BNC2: variants seen among roughly 807,000 people sequenced by gnomAD.
BNC2 encodes the protein zinc finger protein basonuclin-2.
In BNC2, 20 loss-of-function variants were observed where a neutral mutation model predicts 76.3. That is an observed-to-expected ratio of 0.26 (90% CI 0.18 to 0.38). The LOEUF is 0.38. Among genes scored for constraint, BNC2 ranks in the 10% least tolerant of loss-of-function variants. The pLI, the probability that BNC2 is intolerant of heterozygous loss-of-function variation, is 1.00. For missense variants in BNC2, 1,382 were observed against 1,399.8 expected, an observed-to-expected ratio of 0.99 and a Z score of 0.20; for synonymous variants, 582 against 514.8, an observed-to-expected ratio of 1.13 and a Z score of -1.77.
intron 5 of BNC2, among the ~76,000 whole-genome samples, chr9:16,525,633 A>G (rs1817775738): frequency 6.6e-6 from 1 of 152,228 alleles, no homozygotes; most frequent in Admixed American, 6.5e-5. Flanking sequence ...GAATAGGCAC[A>G]CAAATTACGA....
chr9:16,726,002 G>GCA (rs3083820), intron 3 of BNC2, among the ~76,000 whole-genome samples: 4 of 151,140 alleles, frequency 2.6e-5, no homozygotes, highest in South Asian at 2.1e-4. Flanking sequence ...ACACACACAC[G>GCA]CACACACACA....
chr9:16,811,882 G>A (rs1466765014), intron 1 of BNC2, among the ~76,000 whole-genome samples: 1 of 152,180 alleles, frequency 6.6e-6, no homozygotes, highest in African/African-American at 2.4e-5. Context: ...ATGATGCAGC[G>A]GAGGTCTCAA....
intron 3 of BNC2, among the ~76,000 whole-genome samples, chr9:16,714,237 G>A (rs1246209482): frequency 6.6e-6 from 1 of 152,218 alleles, no homozygotes. Context: ...CCTAGCATAT[G>A]TAACAATAAA....
At chr9:16,710,676 C>T (rs997179196) in intron 3 of BNC2, among the ~76,000 whole-genome samples, 6 of 152,022 alleles carry the variant, frequency 3.9e-5, no homozygotes, top group Non-Finnish European at 5.9e-5. Context: ...CCTGTCTGTC[C>T]CATCCAAGCC....
chr9:16,688,609 T>C (rs1823049737), intron 3 of BNC2, among the ~76,000 whole-genome samples: 1 of 152,254 alleles, frequency 6.6e-6, no homozygotes, highest in African/African-American at 2.4e-5. Context: ...ATGTTCACAG[T>C]GATTAAGATT....
intron 4 of BNC2, chr9:16,579,988 T>G: frequency 5.0e-6 from 2 of 397,652 alleles, no homozygotes; most frequent in Non-Finnish European, 4.4e-6. Context: ...TTGGTAGTTT[T>G]GTTGCTGTTC....
In BNC2 at chr9:16,788,349, C is replaced by T. The variant is rs191290626; in HGVS notation, c.4-49864G>A. On this transcript the variant is annotated intron_variant, in intron 1 of 6. Coordinates refer to ENST00000380672, the MANE Select transcript of BNC2 (RefSeq NM_017637.6). ...TGGGCAGATCATGAAGTCAGGAGAT[C>T]GAGACCATCCTGGCTAACATGGTGA... 2.7e-3 allele frequency among the ~76,000 whole-genome samples: 411 copies of T among 151,598 alleles called. 3 individuals carry two copies. Among genetic ancestry groups the T allele is most frequent in the African/African-American group, 8.6e-3 (354 of 41,402 alleles).
intron 3 of BNC2, among the ~76,000 whole-genome samples, chr9:16,659,066 A>G (rs1218363002): frequency 6.6e-6 from 1 of 152,132 alleles, no homozygotes; most frequent in Admixed American, 6.5e-5. Context: ...GGCTAACTTA[A>G]GAGAGGTACT....
intron 5 of BNC2, among the ~76,000 whole-genome samples, chr9:16,450,800 C>T (rs930729124): frequency 1.3e-5 from 2 of 152,182 alleles, no homozygotes; most frequent in Non-Finnish European, 2.9e-5. Flanking sequence ...AAGCACAACC[C>T]CTCGGGTTCT....
At chr9:16,659,380 TGG>T (rs1822034162) in intron 3 of BNC2, among the ~76,000 whole-genome samples, 1 of 151,772 alleles carries the variant, frequency 6.6e-6, no homozygotes, top group Non-Finnish European at 1.5e-5. Flanking sequence ...GGGGCCGAGG[TGG>T]GCAGATCAGG....
chr9:16,699,415 T>C (rs1245154364), intron 3 of BNC2, among the ~76,000 whole-genome samples: 1 of 152,244 alleles, frequency 6.6e-6, no homozygotes. Context: ...TGCTGCTCAG[T>C]GACTGATTCT....
chr9:16,543,115 G>C (rs566704990), intron 5 of BNC2, among the ~76,000 whole-genome samples: 3 of 152,134 alleles, frequency 2.0e-5, no homozygotes, highest in Non-Finnish European at 4.4e-5. Context: ...GACTCATAAA[G>C]CTCCCGTTGC....
chr9:16,866,844 G>A (rs1299676918), intron 1 of BNC2, among the ~76,000 whole-genome samples: 1 of 151,888 alleles, frequency 6.6e-6, no homozygotes, highest in East Asian at 1.9e-4. Flanking sequence ...ACTAACCAAT[G>A]ATACTATATA....
At chr9:16,651,934 G>A (rs926796388) in intron 3 of BNC2, among the ~76,000 whole-genome samples, 3 of 152,124 alleles carry the variant, frequency 2.0e-5, no homozygotes, top group Non-Finnish European at 4.4e-5. Flanking sequence ...CCAATCCTGA[G>A]TGTTCAGATC....
rs79674999 is a variant in BNC2, at chr9:16,816,194, T to C, written c.3+54452A>G. On this transcript the variant is annotated intron_variant, in intron 1 of 6. Transcript: ENST00000380672. ...TAATCACTAGCTTGAGACATTGTTC[T>C]GGCCAAGTAAAGCAGAACACATTTA... is the stretch of plus-strand genomic sequence containing the variant. 4.9e-3 allele frequency among the ~76,000 whole-genome samples: 740 copies of C among 152,270 alleles called. 6 individuals are homozygous for C. Among genetic ancestry groups the C allele is most frequent in the African/African-American group, 0.017 (713 of 41,550 alleles).
chr9:16,560,662 A>T (rs1818983815), intron 4 of BNC2, among the ~76,000 whole-genome samples: 1 of 152,250 alleles, frequency 6.6e-6, no homozygotes, highest in Non-Finnish European at 1.5e-5. Flanking sequence ...CAGGAGTTCC[A>T]GGCTGCAGTG....
At chr9:16,420,690 T>C (rs1026322068) in intron 6 of BNC2, among the ~76,000 whole-genome samples, 1 of 145,396 alleles carries the variant, frequency 6.9e-6, no homozygotes, top group Admixed American at 7.3e-5. Context: ...TACATACACA[T>C]ATACATATTT....
At chr9:16,865,813 T>C (rs1341982363) in intron 1 of BNC2, among the ~76,000 whole-genome samples, 1 of 152,194 alleles carries the variant, frequency 6.6e-6, no homozygotes, top group Non-Finnish European at 1.5e-5. Flanking sequence ...ATATAGGTTC[T>C]TACGCATTGA....
chr9:16,542,930 C>CA (rs1563832318), intron 5 of BNC2, among the ~76,000 whole-genome samples: 2 of 152,148 alleles, frequency 1.3e-5, no homozygotes, highest in Non-Finnish European at 2.9e-5. Context: ...TCAAAAGAAA[C>CA]AGATAGTAGA....
Sources: gnomAD v4.1 joint callset for allele counts (sites outside exome capture counted in the v4.1 genomes callset) on GRCh38, gnomAD v4.1.1 for gene constraint, MANE v1.5 for transcripts, NCBI Gene and HGNC (gene_info 2026-07-23, HGNC 2026-07-21) for gene names.